Variants in CPSF1 observed in about 807,000 individuals in gnomAD.
CPSF1 encodes the protein cleavage and polyadenylation specific factor 1.
Under a neutral mutation model 175.8 loss-of-function variants are expected in CPSF1, and 106 were observed. The ratio of observed to expected loss-of-function variants is 0.60; its 90% confidence interval spans 0.52 to 0.71. CPSF1 has a LOEUF of 0.71. Among genes scored for constraint, CPSF1 ranks in the 30% least tolerant of loss-of-function variants. The probability of loss-of-function intolerance (pLI) is 0.00; values close to 1 mark genes in which losing one functional copy is unlikely to be tolerated. For missense variants in CPSF1, 1,734 were observed against 2,022.9 expected (o/e 0.86, Z 2.74); for synonymous variants, 1,024 against 858.3 (o/e 1.19, Z -3.37).
chr8:144,396,495 G>C lies in CPSF1; in HGVS notation c.2832C>G (p.Phe944Leu). The C allele has an allele frequency of 6.2e-7, 1 of 1,611,338 alleles. No homozygotes were observed. Among genetic ancestry groups the C allele is most frequent in the Non-Finnish European group, 8.5e-7 (1 of 1,179,216 alleles). ...FEDIYGYSGVFICGPSPHWLL... is the reference protein window; with the variant it reads ...FEDIYGYSGVLICGPSPHWLL... ...GCCAGTGAGGGGAGGGGCCGCAGATGAAGACCTGGGGGCAGGCACCGTGAG... is the reference window on the plus strand; with the variant it reads ...GCCAGTGAGGGGAGGGGCCGCAGATCAAGACCTGGGGGCAGGCACCGTGAG... The change falls in exon 26 of 38, where the codon TTC becomes TTG. Residue 944 changes from phenylalanine (F) to leucine (L), a missense_variant. By Grantham distance (22) the Phe-to-Leu change is conservative (BLOSUM62 0). This residue lies in a region of CPSF1 where 585 missense variants were observed against 584.7 expected (regional missense o/e 1.00). Transcript: ENST00000616140.
rs1554862104 is a variant in CPSF1 at position 144,393,548 on chromosome 8, G to A, written c.4188C>T (p.Arg1396=). ...VDRRTLQNAV[R]NVLDGELLNR... is the part of the protein sequence containing the mutation. ...TGAGCAGCTCCCCATCCAGCACGTTGCGCACGGCATTCTGGAGGGTGCGGC... is the reference window on the plus strand; with the variant it reads ...TGAGCAGCTCCCCATCCAGCACGTTACGCACGGCATTCTGGAGGGTGCGGC... Residue 1396 remains arginine, a synonymous_variant, in exon 37 of 38, where the codon CGC becomes CGT. Transcript: ENST00000616140. 6.2e-7 allele frequency: 1 copy of A among 1,603,634 alleles called. No homozygotes were observed. Among genetic ancestry groups the A allele is most frequent in the Middle Eastern group, 1.7e-4 (1 of 6,034 alleles).
At chr8:144,406,649 G>T (rs1199967661) in intron 2 of CPSF1, among the ~76,000 whole-genome samples, 2 of 152,168 alleles carry the variant, frequency 1.3e-5, no homozygotes, top group African/African-American at 4.8e-5. Flanking sequence ...CTAGACTCTT[G>T]CACACACCCT....
chr8:144,403,338 C>T (rs1821322837), intron 2 of CPSF1, among the ~76,000 whole-genome samples: 1 of 152,150 alleles, frequency 6.6e-6, no homozygotes, highest in Middle Eastern at 3.2e-3. Context: ...AAGCGATACA[C>T]TCACCTCGGC....
chr8:144,406,681 A>G (rs1821512793), intron 2 of CPSF1, among the ~76,000 whole-genome samples: 1 of 152,130 alleles, frequency 6.6e-6, no homozygotes, highest in East Asian at 1.9e-4. Flanking sequence ...CTGCTGCCTG[A>G]TGTGGAATGA....
At chr8:144,401,760 G>C (rs926247279) in intron 2 of CPSF1, 87 bp from the exon 3 acceptor site, 2 of 1,406,732 alleles carry the variant, frequency 1.4e-6, no homozygotes, top group African/African-American at 2.9e-5. Flanking sequence ...ACCAAGCCTG[G>C]CCCCTGCCTC....
chr8:144,403,545 CTAATT>C (rs1821335950), intron 2 of CPSF1, among the ~76,000 whole-genome samples: 1 of 151,688 alleles, frequency 6.6e-6, no homozygotes, highest in Non-Finnish European at 1.5e-5. Context: ...CCACACCTGA[CTAATT>C]TATTTATTTT....
rs2116858125 is a variant in CPSF1, at chr8:144,399,077, C to T, written c.1468-39G>A. The T allele has an allele frequency of 3.2e-6, 5 of 1,546,886 alleles. No homozygotes were observed. The South Asian group carries it at 3.6e-5, about 11-fold the overall frequency. On this transcript the variant is annotated intron_variant, in intron 15 of 37. Transcript: ENST00000616140. This position sits in a 1 kb window ranked among gnomAD's most constrained non-coding sequence, Gnocchi z 6.4. ...GGGGGTGAGGACTATGCCCCCCACC[C>T]CCCCTCACACTCCAGCCCCTGCCCC... is the stretch of plus-strand genomic sequence containing the variant.
intron 31 of CPSF1, 26 bp from the exon 32 acceptor site, chr8:144,394,581 G>C (rs782708748): frequency 6.2e-7 from 1 of 1,604,348 alleles, no homozygotes; most frequent in Non-Finnish European, 8.5e-7. Flanking sequence ...AGGGTGAGCG[G>C]GCGCGGACGG....
intron 2 of CPSF1, among the ~76,000 whole-genome samples, chr8:144,402,502 A>G (rs1821275282): frequency 6.6e-6 from 1 of 152,058 alleles, no homozygotes; most frequent in Non-Finnish European, 1.5e-5. Flanking sequence ...ACAGGGTTTC[A>G]CCATGTTGGC....
rs1586606505 is a variant in CPSF1 at position 144,393,661 on chromosome 8, G to A, written c.4145+6C>T. ...GGTGCTGCACGGGGGCGGGGCCGGG[G>A]CTCACCGGAAGGCGCGGGGGTTGAG... On this transcript the variant is annotated splice_donor_region_variant and intron_variant, in intron 36 of 37. Transcript: ENST00000616140. 3 of 1,566,496 alleles carry A rather than the reference G, an allele frequency of 1.9e-6. No homozygotes were observed. Among genetic ancestry groups the A allele is most frequent in the Non-Finnish European group, 2.6e-6 (3 of 1,162,848 alleles).
At position 144,400,135 on chromosome 8, in the gene CPSF1, G is replaced by GCCCCCCCCCCCCCCCCCCCCCC. The variant is rs1491238659; in HGVS notation, c.937+30_937+31insGGGGGGGGGGGGGGGGGGGGGG. 116 of 896,648 alleles carry GCCCCCCCCCCCCCCCCCCCCCC rather than the reference G, an allele frequency of 1.3e-4. 1 individual carries two copies. Among genetic ancestry groups the GCCCCCCCCCCCCCCCCCCCCCC allele is most frequent in the Non-Finnish European group, 1.6e-4 (97 of 622,254 alleles). The allele number at this position is 896,648 out of a possible 1,614,324, so 55.5% of individuals were successfully genotyped here. A position where few individuals can be genotyped will look rare whatever the true frequency, so the allele number is the denominator to read the frequency against. On this transcript the variant is annotated intron_variant, in intron 9 of 37. Coordinates refer to ENST00000616140, the MANE Select transcript of CPSF1 (RefSeq NM_013291.3). The stretch of plus-strand genomic sequence containing the variant: ...CTAGGCAGGCCCAAGCCGTCCCCGG[G>GCCCCCCCCCCCCCCCCCCCCCC]CCCCCCCCGCCCCAGCCACCCCACA...
chr8:144,399,258 C>T lies in CPSF1; in HGVS notation c.1392+18G>A, dbSNP rs2116860918. 4.3e-6 allele frequency: 7 copies of T among 1,612,384 alleles called. No homozygotes were observed. The highest frequency in any genetic ancestry group is 5.9e-6 in the Non-Finnish European group (7 of 1,179,880). On this transcript the variant is annotated intron_variant, in intron 14 of 37. Coordinates refer to ENST00000616140, the MANE Select transcript of CPSF1 (RefSeq NM_013291.3). This position sits in a 1 kb window ranked among gnomAD's most constrained non-coding sequence, Gnocchi z 6.4. ...GGGGGCGCTGGCTGGGACGGGGGCC[C>T]TGCTGCCTCAATCTCACCTCAAAGG... is the stretch of plus-strand genomic sequence containing the variant.
Position 144,399,063 on chromosome 8 carries a change from C to CG in CPSF1, c.1468-26_1468-25insC. On this transcript the variant is annotated intron_variant, in intron 15 of 37. Transcript: ENST00000616140. The surrounding 1 kb of genome is among the most constrained non-coding windows in gnomAD (Gnocchi z 6.4). ...ACTGCACAGGACTCGGGGGTGAGGA[C>CG]TATGCCCCCCACCCCCCCTCACACT... 6.4e-7 allele frequency: 1 copy of CG among 1,556,244 alleles called. No individual in the cohort carries two copies. Among genetic ancestry groups the CG allele is most frequent in the Non-Finnish European group, 8.7e-7 (1 of 1,150,298 alleles).
rs2116858993 is a variant in CPSF1 at position 144,399,109 on chromosome 8, C to T, written c.1467+19G>A. On this transcript the variant is annotated intron_variant, in intron 15 of 37. Coordinates refer to ENST00000616140, the MANE Select transcript of CPSF1 (RefSeq NM_013291.3). This position sits in a 1 kb window ranked among gnomAD's most constrained non-coding sequence, Gnocchi z 6.4. ...ACACTCCAGCCCCTGCCCCCAGCCC[C>T]GACCCCAACCCTGGGCACCTCTTCA... The T allele has an allele frequency of 1.9e-5, 30 of 1,551,138 alleles. No homozygotes were observed. The highest frequency in any genetic ancestry group is 7.1e-5 in the South Asian group (6 of 84,218).
Position 144,394,570 on chromosome 8 carries a change from G to A in CPSF1, c.3568-15C>T, listed in dbSNP as rs782284221. On this transcript the variant is annotated splice_polypyrimidine_tract_variant and intron_variant, in intron 31 of 37. Coordinates refer to ENST00000616140, the MANE Select transcript of CPSF1 (RefSeq NM_013291.3). ...CACAGGAAAATCTGGGGGCGAGGGC[G>A]AGGGTGAGCGGGCGCGGACGGGGAG... The A allele has an allele frequency of 3.5e-5, 57 of 1,606,700 alleles. No individual in the cohort carries two copies. The highest frequency in any genetic ancestry group is 3.4e-4 in the East Asian group (15 of 44,630).
In CPSF1 at chr8:144,395,164, G is replaced by T; in HGVS notation, c.3206C>A (p.Pro1069His). 6.2e-7 allele frequency: 1 copy of T among 1,612,732 alleles called. No individual in the cohort carries two copies. Among genetic ancestry groups the T allele is most frequent in the Non-Finnish European group, 8.5e-7 (1 of 1,179,616 alleles). Residue 1069 changes from proline to histidine, a missense_variant, in exon 29 of 38, where the codon CCC becomes CAC. Physicochemically the swap from Pro to His is moderately conservative, Grantham distance 77. Around this residue, in one of 10 missense-constraint regions of CPSF1, gnomAD observed 585 missense variants for 584.7 expected, o/e 1.00. Coordinates refer to ENST00000616140, the MANE Select transcript of CPSF1 (RefSeq NM_013291.3). ...TIERDERYIHPQQEAFSIQLI... is the reference protein window; with the variant it reads ...TIERDERYIHHQQEAFSIQLI... ...CTGGATGGAGAAGGCCTCCTGCTGG[G>T]GGTGGATGTACCGCTCATCTGTGGG... is the stretch of plus-strand genomic sequence containing the variant.
chr8:144,400,135 G>GCGCCCCCCCCCCCCCCCC, intron 9 of CPSF1, 31 bp downstream of exon 9: 1 of 896,012 alleles, frequency 1.1e-6, no homozygotes, highest in Non-Finnish European at 1.6e-6. Context: ...CCGTCCCCGG[G>GCGCCCCCCCCCCCCCCCC]CCCCCCCCGC....
At chr8:144,406,850 C>G (rs2116906441) in intron 2 of CPSF1, among the ~76,000 whole-genome samples, 2 of 152,344 alleles carry the variant, frequency 1.3e-5, no homozygotes, top group Admixed American at 1.3e-4. Flanking sequence ...AGGTGTTGCA[C>G]CCTCCGCAAC....
intron 2 of CPSF1, among the ~76,000 whole-genome samples, chr8:144,404,349 CAG>C (rs113254782): frequency 6.6e-5 from 10 of 152,172 alleles, no homozygotes; most frequent in Non-Finnish European, 1.2e-4. Context: ...ATGCAAGAAA[CAG>C]GGGTAACCAC....
Sources: allele counts gnomAD v4.1 joint callset (sites outside exome capture counted in the v4.1 genomes callset), GRCh38; gene constraint gnomAD v4.1.1; regional missense constraint gnomAD v4.1.1; non-coding constraint Gnocchi (gnomAD v3.1); transcripts MANE v1.5; gene names NCBI Gene and HGNC (gene_info 2026-07-23, HGNC 2026-07-21).